CCDC18: variants seen among roughly 807,000 people sequenced by gnomAD.
CCDC18 encodes coiled-coil domain-containing protein 18.
CCDC18 carries 157 observed loss-of-function variants against 196.0 expected under a neutral mutation model. That is an observed-to-expected ratio of 0.80 (90% CI 0.70 to 0.91). The LOEUF (loss-of-function observed/expected upper bound fraction) is 0.91. Among genes scored for constraint, CCDC18 ranks in the 40% least tolerant of loss-of-function variants. The pLI, the probability that CCDC18 is intolerant of heterozygous loss-of-function variation, is 0.00. For missense variants in CCDC18, 1,465 were observed against 1,611.6 expected (o/e 0.91, Z 1.56); for synonymous variants, 482 against 529.2 (o/e 0.91, Z 1.22).
At chr1:93,203,224 A>AC (rs1175646321) in intron 7 of CCDC18, among the ~76,000 whole-genome samples, 2 of 152,226 alleles carry the variant, frequency 1.3e-5, no homozygotes, top group African/African-American at 4.8e-5. Flanking sequence ...GCAGTATGAG[A>AC]AAGAAGAATA....
At chr1:93,258,106 T>A (rs1311533164) in intron 25 of CCDC18, among the ~76,000 whole-genome samples, 3 of 149,154 alleles carry the variant, frequency 2.0e-5, no homozygotes, top group African/African-American at 7.3e-5. Flanking sequence ...TTAATAAAAA[T>A]TAATTAATAA....
chr1:93,254,789 G>C (rs544239136), intron 24 of CCDC18, among the ~76,000 whole-genome samples, 175 bp downstream of exon 24: 3 of 152,176 alleles, frequency 2.0e-5, no homozygotes, highest in African/African-American at 7.2e-5. Flanking sequence ...ATATTTTTCT[G>C]ATGGTCTAGG....
chr1:93,184,097 G>GT lies in CCDC18; in HGVS notation c.255dup (p.Lys86Ter). The GT allele has an allele frequency of 6.4e-7, 1 of 1,566,862 alleles. No homozygotes were observed. Among genetic ancestry groups the GT allele is most frequent in the Non-Finnish European group, 8.7e-7 (1 of 1,152,186 alleles). On this transcript the variant is annotated frameshift_variant, in exon 3 of 29. Coordinates refer to ENST00000690025, the MANE Select transcript of CCDC18 (RefSeq NM_001378204.1). LOFTEE classifies it high-confidence loss of function. ...AATTATTCACCTTATGAAAACGTCT[G>GT]TAAAATATCTGGTAGCAGCACTGAT...
intron 27 of CCDC18, among the ~76,000 whole-genome samples, chr1:93,267,171 T>A (rs956306552): frequency 2.0e-5 from 3 of 152,280 alleles, no homozygotes; most frequent in Admixed American, 1.3e-4. Flanking sequence ...ATCCATCACA[T>A]GAACCAAACC....
At position 93,270,592 on chromosome 1, in the gene CCDC18, C is replaced by T. The variant is rs1482243967; in HGVS notation, c.4131C>T (p.Asp1377=). The T allele has an allele frequency of 6.5e-7, 1 of 1,550,356 alleles. No individual in the cohort carries two copies. The highest frequency in any genetic ancestry group is 2.4e-5 in the East Asian group (1 of 40,880). ...DEDLSEELLQ[D]LKKMQLEQPS... ...ATCTTTCTGAAGAATTACTACAGGACTTAAAGAAAATGCAATTAGAACAGC... is the reference window on the plus strand; with the variant it reads ...ATCTTTCTGAAGAATTACTACAGGATTTAAAGAAAATGCAATTAGAACAGC... The change falls in exon 28 of 29, where the codon GAC becomes GAT. Residue 1377 remains aspartate, a synonymous_variant. Transcript: ENST00000690025.
At chr1:93,247,218 C>T (rs1291009596) in intron 23 of CCDC18, among the ~76,000 whole-genome samples, 1 of 151,930 alleles carries the variant, frequency 6.6e-6, no homozygotes, top group East Asian at 1.9e-4. Flanking sequence ...TGAGCGACCA[C>T]ACTCTGTGGA....
rs1656758852 is a variant in CCDC18 at position 93,217,832 on chromosome 1, T to G, written c.1925T>G (p.Leu642Trp). 3.1e-6 allele frequency: 5 copies of G among 1,612,486 alleles called. No individual in the cohort carries two copies. The highest frequency in any genetic ancestry group is 4.2e-6 in the Non-Finnish European group (5 of 1,178,738). The change falls in exon 14 of 29, where the codon TTG (leucine) becomes TGG (tryptophan). Residue 642 changes from leucine (L) to tryptophan (W), a missense_variant. Physicochemically the swap from Leu to Trp is moderately conservative, Grantham distance 61 (BLOSUM62 -2). Transcript: ENST00000690025. Reference protein sequence around the residue: ...LAFEKAKKIHLEQHKEMEKQI... With the variant: ...LAFEKAKKIHWEQHKEMEKQI... ...TTTGAAAAAGCAAAGAAAATTCACT[T>G]GGAACAGCATAAAGAAATGGAAAAG... is the stretch of plus-strand genomic sequence containing the variant.
chr1:93,192,225 G>A, intron 5 of CCDC18, 119 bp downstream of exon 5: 1 of 669,958 alleles, frequency 1.5e-6, no homozygotes, highest in Non-Finnish European at 2.6e-6. Flanking sequence ...GTGTTCAGCT[G>A]TCTTAGAACT....
chr1:93,262,491 A>T (rs1021962359), intron 26 of CCDC18: 1 of 152,264 alleles, frequency 6.6e-6, no homozygotes, highest in Non-Finnish European at 1.5e-5. Flanking sequence ...CAAATCTGAA[A>T]CCCAGTGGAG....
intron 4 of CCDC18, among the ~76,000 whole-genome samples, chr1:93,189,963 G>C (rs1227019059): frequency 1.3e-5 from 2 of 152,058 alleles, no homozygotes. Context: ...GCCTGGCCCT[G>C]TGATTTTTAT....
At chr1:93,266,039 T>C (rs1029777560) in intron 27 of CCDC18, among the ~76,000 whole-genome samples, 2 of 152,166 alleles carry the variant, frequency 1.3e-5, no homozygotes, top group Admixed American at 6.6e-5. Flanking sequence ...ACCACATAGT[T>C]GGAAATAAAG....
chr1:93,218,779 C>T (rs1656926283), intron 14 of CCDC18, among the ~76,000 whole-genome samples: 1 of 151,836 alleles, frequency 6.6e-6, no homozygotes, highest in Admixed American at 6.6e-5. Context: ...ATGTGCCTGG[C>T]TCACGCAGAG....
chr1:93,200,016 G>C (rs1021139340), intron 6 of CCDC18: 5 of 152,180 alleles, frequency 3.3e-5, no homozygotes, highest in African/African-American at 1.2e-4. Context: ...ATAGGGTCTT[G>C]CTCTGTCACC....
chr1:93,269,175 G>C (rs1342764989), intron 27 of CCDC18, among the ~76,000 whole-genome samples: 1 of 150,118 alleles, frequency 6.7e-6, no homozygotes, highest in Admixed American at 6.7e-5. Flanking sequence ...CTATTGCAAG[G>C]ACAAAAAACC....
Position 93,239,759 on chromosome 1 carries a change from G to A in CCDC18, c.2844G>A (p.Glu948=). The A allele has an allele frequency of 1.2e-6, 2 of 1,613,704 alleles. No individual in the cohort carries two copies. Among genetic ancestry groups the A allele is most frequent in the Non-Finnish European group, 1.7e-6 (2 of 1,179,790 alleles). Residue 948 remains glutamate, a synonymous_variant, in exon 21 of 29, where the codon GAG becomes GAA. Transcript: ENST00000690025. ...TEALQKREVL[E]TELQNAHGEL... ...CCTTGCAAAAACGGGAAGTACTTGA[G>A]ACTGAACTACAAAATGCTCATGGAG...
At position 93,192,092 on chromosome 1, in the gene CCDC18, AG is replaced by A. The variant is rs766180131; in HGVS notation, c.556del (p.Asp186IlefsTer4). On this transcript the variant is annotated frameshift_variant, in exon 5 of 29. Transcript: ENST00000690025. LOFTEE classifies it high-confidence loss of function. ...ATTTGGAAGCAGAGGTTTCAGCTCAAGATAAAGTTTTGAGGTAAATATACTT... is the reference window on the plus strand; with the variant it reads ...ATTTGGAAGCAGAGGTTTCAGCTCAAATAAAGTTTTGAGGTAAATATACTT... ...INLEAEVSAQ[D>X]KVLREAENKL... 135 of 1,609,582 alleles carry A rather than the reference AG, an allele frequency of 8.4e-5. 2 individuals are homozygous for A. In the South Asian group the frequency reaches 1.5e-3, roughly 18 times the overall value.
chr1:93,229,849 TAAAAG>T (rs1658966433), intron 17 of CCDC18, among the ~76,000 whole-genome samples: 1 of 152,200 alleles, frequency 6.6e-6, no homozygotes, highest in African/African-American at 2.4e-5. Flanking sequence ...GTCAACATGA[TAAAAG>T]AAACTCAATA....
intron 13 of CCDC18, 101 bp from the exon 14 acceptor site, chr1:93,217,637 C>A: frequency 1.1e-6 from 1 of 926,050 alleles, no homozygotes; most frequent in Non-Finnish European, 1.6e-6. Flanking sequence ...CGGGGTCTTG[C>A]CGTGTTTCCC....
intron 20 of CCDC18, 60 bp from the exon 21 acceptor site, chr1:93,239,623 T>C: frequency 2.2e-6 from 3 of 1,373,284 alleles, no homozygotes; most frequent in Non-Finnish European, 3.0e-6. Context: ...TCTTAATATA[T>C]ACAAAGTTTG....
Sources: gnomAD v4.1 joint callset for allele counts (sites outside exome capture counted in the v4.1 genomes callset) on GRCh38, gnomAD v4.1.1 for gene constraint, MANE v1.5 for transcripts, NCBI Gene and HGNC (gene_info 2026-07-23, HGNC 2026-07-21) for gene names.